KDM1A: variants seen among roughly 807,000 people sequenced by gnomAD.
KDM1A encodes lysine demethylase 1A.
Under a neutral mutation model 109.4 loss-of-function variants are expected in KDM1A, and 49 were observed. The observed-to-expected ratio is 0.45, with a 90% CI of 0.36 to 0.57. The LOEUF is 0.57. Among genes scored for constraint, KDM1A ranks in the 20% least tolerant of loss-of-function variants. The pLI is 0.00. For synonymous variants in KDM1A, 380 were observed against 415.4 expected (o/e 0.91, Z 1.04); for missense variants, 668 against 1,116.6 (o/e 0.60, Z 5.73).
At chr1:23,076,071 G>C (rs1183941039) in intron 15 of KDM1A, among the ~76,000 whole-genome samples, 2 of 152,154 alleles carry the variant, frequency 1.3e-5, no homozygotes, top group Non-Finnish European at 1.5e-5. Flanking sequence ...GGTTTTTCAT[G>C]TAAATACTAA....
rs1418031649 is a variant in KDM1A at position 23,082,420 on chromosome 1, G to A, written c.2445+54G>A. 64 of 1,426,416 alleles carry A rather than the reference G, an allele frequency of 4.5e-5. 1 individual carries two copies. The highest frequency in any genetic ancestry group is 2.2e-4 in the Middle Eastern group (1 of 4,536). The allele number at this position is 1,426,416 out of a possible 1,614,324, so 88.4% of individuals were successfully genotyped here. ...ATTTGGGAAGAGGCCAGGATCTCAT[G>A]ATGTCCCTGATTTTTTTTTTTTTTT... On this transcript the variant is annotated intron_variant, in intron 20 of 20. Transcript: ENST00000400181.
At position 23,019,777 on chromosome 1, in the gene KDM1A, C is replaced by A. The variant is rs1397930681; in HGVS notation, c.181C>A (p.Arg61Ser). ...GGGGGCGGTGGGGGAGCGCACACCC[C>A]GCAAGAAAGAGCCTCCGCGGGCCTC... The part of the protein sequence containing the change: ...GPGAVGERTP[R>S]KKEPPRASPP... The change falls in exon 1 of 21, where the codon CGC (arginine) becomes AGC (serine). Residue 61 changes from arginine (R) to serine (S), a missense_variant. Around this residue, in one of 8 missense-constraint regions of KDM1A, gnomAD observed 156 missense variants for 163.4 expected, o/e 0.95. Transcript: ENST00000400181. The A allele has an allele frequency of 2.9e-6, 4 of 1,375,254 alleles. No individual in the cohort carries two copies. The highest frequency in any genetic ancestry group is 3.8e-6 in the Non-Finnish European group (4 of 1,063,746). 85.2% of individuals were successfully genotyped at this position (1,375,254 alleles called of 1,614,324 possible).
chr1:23,032,992 C>T (rs1223587263), intron 2 of KDM1A, among the ~76,000 whole-genome samples: 3 of 152,124 alleles, frequency 2.0e-5, no homozygotes, highest in Non-Finnish European at 2.9e-5. Context: ...CCCTGCCTCC[C>T]GGGTTAAGCA....
intron 18 of KDM1A, 65 bp from the exon 19 acceptor site, chr1:23,081,381 T>C (rs1557603703): frequency 1.2e-5 from 19 of 1,589,354 alleles, no homozygotes; most frequent in Non-Finnish European, 1.5e-5. Context: ...AGGTGGGGCC[T>C]GATAAGGAAG....
chr1:23,033,717 TC>T, intron 2 of KDM1A, among the ~76,000 whole-genome samples: 2 of 152,296 alleles, frequency 1.3e-5, no homozygotes, highest in Non-Finnish European at 2.9e-5. Context: ...TGAATAAGGT[TC>T]CTCTGGGAGA....
intron 14 of KDM1A, 59 bp from the exon 15 acceptor site, chr1:23,073,233 C>A (rs760909525): frequency 2.2e-6 from 2 of 898,900 alleles, no homozygotes; most frequent in South Asian, 2.8e-5. Flanking sequence ...TCACCTACAT[C>A]ACACTGAGAG....
intron 1 of KDM1A, among the ~76,000 whole-genome samples, chr1:23,023,649 T>C (rs2124338359): frequency 6.6e-6 from 1 of 152,354 alleles, no homozygotes; most frequent in Middle Eastern, 3.4e-3. Flanking sequence ...TGTTCTTCTT[T>C]TGCAAGATTA....
At chr1:23,046,270 C>G (rs1642501426) in intron 3 of KDM1A, among the ~76,000 whole-genome samples, 1 of 152,156 alleles carries the variant, frequency 6.6e-6, no homozygotes, top group Admixed American at 6.6e-5. Flanking sequence ...ATTAAAAACT[C>G]TGAAGTATAG....
intron 10 of KDM1A, among the ~76,000 whole-genome samples, chr1:23,066,843 C>G (rs1442704207): frequency 1.3e-5 from 2 of 152,192 alleles, no homozygotes; most frequent in Non-Finnish European, 2.9e-5. Context: ...AGGATTTGCA[C>G]TAGAAGTAGC....
At chr1:23,040,636 A>AT (rs1242316914) in intron 2 of KDM1A, among the ~76,000 whole-genome samples, 1 of 151,942 alleles carries the variant, frequency 6.6e-6, no homozygotes, top group African/African-American at 2.4e-5. Flanking sequence ...AAAAAAAAAA[A>AT]AATTAGCCAG....
At chr1:23,027,563 CA>C (rs1190402549) in intron 1 of KDM1A, among the ~76,000 whole-genome samples, 1 of 146,332 alleles carries the variant, frequency 6.8e-6, no homozygotes, top group Non-Finnish European at 1.5e-5. Context: ...GCTGGAACTG[CA>C]GGTGCATGCC....
rs915595049 is a variant in KDM1A at position 23,019,643 on chromosome 1, C to T, written c.47C>T (p.Ala16Val). ...GCAGCCGCGGCGGCGGCGGCTGCAG[C>T]GGCAGCAACCGGGACGGAGGCTGGC... The part of the protein sequence containing the change: ...KAAAAAAAAA[A>V]AATGTEAGPG... The change falls in exon 1 of 21, where the codon GCG (alanine) becomes GTG (valine). Residue 16 changes from alanine (A) to valine (V), a missense_variant. Around this residue, in one of 8 missense-constraint regions of KDM1A, gnomAD observed 156 missense variants for 163.4 expected, o/e 0.95. Coordinates refer to ENST00000400181, the MANE Select transcript of KDM1A (RefSeq NM_001009999.3). 2.1e-6 allele frequency: 3 copies of T among 1,410,700 alleles called. No homozygotes were observed. The highest frequency in any genetic ancestry group is 3.0e-5 in the African/African-American group (2 of 66,710). 87.4% of individuals were successfully genotyped at this position (1,410,700 alleles called of 1,614,324 possible). A position where few individuals can be genotyped will look rare whatever the true frequency, so the allele number is the denominator to read the frequency against.
intron 12 of KDM1A, among the ~76,000 whole-genome samples, chr1:23,070,087 C>T (rs990819993): frequency 1.3e-5 from 2 of 152,242 alleles, no homozygotes; most frequent in Non-Finnish European, 2.9e-5. Context: ...GGCCAGGATA[C>T]CTGTAGGGTG....
At chr1:23,053,080 C>A (rs915263736) in intron 4 of KDM1A, among the ~76,000 whole-genome samples, 1 of 152,224 alleles carries the variant, frequency 6.6e-6, no homozygotes, top group African/African-American at 2.4e-5. Context: ...TTGTCCTTGA[C>A]ACCTTTCTCC....
intron 1 of KDM1A, among the ~76,000 whole-genome samples, chr1:23,021,070 T>C (rs1242223185): frequency 2.0e-5 from 3 of 152,224 alleles, no homozygotes; most frequent in Non-Finnish European, 1.5e-5. Flanking sequence ...ACATAATTTT[T>C]AAGTGGGAAT....
chr1:23,062,301 G>T (rs1483367278), intron 9 of KDM1A, among the ~76,000 whole-genome samples: 2 of 152,150 alleles, frequency 1.3e-5, no homozygotes, highest in African/African-American at 4.8e-5. Context: ...CTCCTTCTCT[G>T]AGAGCTTTGT....
chr1:23,053,381 ATTTATT>A (rs1340974479), intron 4 of KDM1A, among the ~76,000 whole-genome samples: 1 of 152,072 alleles, frequency 6.6e-6, no homozygotes, highest in Admixed American at 6.6e-5. Flanking sequence ...GGATGATTTT[ATTTATT>A]TTTATTTTTA....
At chr1:23,035,269 C>G (rs1642109207) in intron 2 of KDM1A, among the ~76,000 whole-genome samples, 2 of 152,140 alleles carry the variant, frequency 1.3e-5, no homozygotes, top group Admixed American at 6.5e-5. Flanking sequence ...ATGGCATGAT[C>G]TCGGCTCACC....
chr1:23,037,246 G>A (rs1334561919), intron 2 of KDM1A, among the ~76,000 whole-genome samples: 4 of 150,992 alleles, frequency 2.6e-5, no homozygotes, highest in Non-Finnish European at 2.9e-5. Flanking sequence ...AGAGGTTGCA[G>A]TGAGCTGGGA....
Sources: allele counts gnomAD v4.1 joint callset (sites outside exome capture counted in the v4.1 genomes callset), GRCh38; gene constraint gnomAD v4.1.1; regional missense constraint gnomAD v4.1.1; transcripts MANE v1.5; gene names NCBI Gene and HGNC (gene_info 2026-07-23, HGNC 2026-07-21).